The following KCNQ1 variants were observed in gnomAD, a reference collection of about 807,000 sequenced individuals.
KCNQ1 encodes potassium voltage-gated channel subfamily Q member 1, also known as potassium voltage-gated channel subfamily KQT member 1.
Under a neutral mutation model 72.4 loss-of-function variants are expected in KCNQ1, and 49 were observed. That is an observed-to-expected ratio of 0.68 (90% CI 0.54 to 0.86). The LOEUF (loss-of-function observed/expected upper bound fraction) is 0.86, where lower values mean the gene tolerates loss of function less well. Among genes scored for constraint, KCNQ1 ranks in the 40% least tolerant of loss-of-function variants. The pLI is 0.00. For synonymous variants in KCNQ1, 450 were observed against 412.6 expected, an observed-to-expected ratio of 1.09 and a Z score of -1.10; for missense variants, 790 against 945.1, an observed-to-expected ratio of 0.84 and a Z score of 2.15.
intron 15 of KCNQ1, among the ~76,000 whole-genome samples, chr11:2,812,352 G>A (rs1847506349): frequency 2.0e-5 from 3 of 150,556 alleles, no homozygotes; most frequent in African/African-American, 7.4e-5. Flanking sequence ...CTTCCTCCCT[G>A]AGACCTGGGA....
rs1332273115 is a variant in KCNQ1 at position 2,830,020 on chromosome 11, G to A, written c.1795-17747G>A. On this transcript the variant is annotated intron_variant, in intron 15 of 15. Transcript: ENST00000155840. The surrounding 1 kb of genome is among the most constrained non-coding windows in gnomAD (Gnocchi z 7.7). ...AGAGGGAGGAGGAAGGAGGAGGAAG[G>A]AGGAGGAAGGAGGAGGGAGGAGGAA... Among the ~76,000 whole-genome samples, 1 of 104,400 alleles carries A rather than the reference G, an allele frequency of 9.6e-6. No individual in the cohort carries two copies. The highest frequency in any genetic ancestry group is 3.7e-4 in the South Asian group (1 of 2,716). The allele number at this position is 104,400 out of a possible 152,430, so 68.5% of individuals were successfully genotyped here. A position where few individuals can be genotyped will look rare whatever the true frequency, so the allele number is the denominator to read the frequency against.
rs183753922 is a variant in KCNQ1 at position 2,759,387 on chromosome 11, C to G, written c.1515-9457C>G. On this transcript the variant is annotated intron_variant, in intron 11 of 15. Coordinates refer to ENST00000155840, the MANE Select transcript of KCNQ1 (RefSeq NM_000218.3). This position sits in a 1 kb window ranked among gnomAD's most constrained non-coding sequence, Gnocchi z 4.4. ...TCTGCCAAGACCCCCACCCATCTGC[C>G]TCTCTTCATCTCACAAGCCTGCATG... Among the ~76,000 whole-genome samples, 323 of 152,290 alleles carry G rather than the reference C, an allele frequency of 2.1e-3. 3 individuals carry two copies. The highest frequency in any genetic ancestry group is 6.9e-3 in the African/African-American group (286 of 41,556).
intron 1 of KCNQ1, among the ~76,000 whole-genome samples, chr11:2,467,752 A>T (rs930178040): frequency 6.6e-6 from 1 of 152,136 alleles, no homozygotes; most frequent in Non-Finnish European, 1.5e-5. Flanking sequence ...GCGTCTTGCA[A>T]TGGGGGCTGT....
rs1847852890 is a variant in KCNQ1 at position 2,543,038 on chromosome 11, G to C, written c.477+15020G>C. 6.6e-6 allele frequency among the ~76,000 whole-genome samples: 1 copy of C among 152,204 alleles called. No homozygotes were observed. Among genetic ancestry groups the C allele is most frequent in the Admixed American group, 6.5e-5 (1 of 15,284 alleles). The stretch of plus-strand genomic sequence containing the variant: ...GTCTAAGAGGTGTGCGTGGCATCCT[G>C]CTGTGGTTTTAACTTTCATTTCCTA... On this transcript the variant is annotated intron_variant, in intron 2 of 15. Transcript: ENST00000155840. This position sits in a 1 kb window ranked among gnomAD's most constrained non-coding sequence, Gnocchi z 5.6.
intron 10 of KCNQ1, chr11:2,633,089 CTT>C (rs2133818748): frequency 2.5e-6 from 1 of 398,396 alleles, no homozygotes; most frequent in East Asian, 3.6e-5. Context: ...TATGTTTTGT[CTT>C]TTTGAAAACA....
At chr11:2,575,150 G>A (rs1389156891) in intron 6 of KCNQ1, among the ~76,000 whole-genome samples, 5 of 152,164 alleles carry the variant, frequency 3.3e-5, no homozygotes, top group South Asian at 2.1e-4. Flanking sequence ...TGTGGGCAGC[G>A]GACGCTACTC....
intron 15 of KCNQ1, chr11:2,839,984 C>T (rs368606338): frequency 6.6e-6 from 1 of 152,246 alleles, no homozygotes; most frequent in Admixed American, 6.5e-5. Flanking sequence ...CGTGCAGGAA[C>T]TTTGTGCCGT....
Position 2,651,337 on chromosome 11 carries a change from G to A in KCNQ1, c.1394-10624G>A, listed in dbSNP as rs541435891. ...GAACACTCCTCAGAGTTCTACAAGC[G>A]GCTGAGAGAGCTGGGGTATTTATCT... On this transcript the variant is annotated intron_variant, in intron 10 of 15. Transcript: ENST00000155840. The surrounding 1 kb of genome is among the most constrained non-coding windows in gnomAD (Gnocchi z 6.1). 3.3e-5 allele frequency: 13 copies of A among 398,722 alleles called. No individual in the cohort carries two copies. The South Asian group carries it at 1.1e-3, about 35-fold the overall frequency. The allele number at this position is 398,722 out of a possible 1,614,324, so 24.7% of individuals were successfully genotyped here.
In KCNQ1 at chr11:2,809,467, A is replaced by T. The variant is rs532083875; in HGVS notation, c.1794+31430A>T. 2.0e-5 allele frequency among the ~76,000 whole-genome samples: 3 copies of T among 152,034 alleles called. No individual in the cohort carries two copies. In the East Asian group the frequency reaches 5.8e-4, roughly 29 times the overall value. The stretch of plus-strand genomic sequence containing the variant: ...ACCGTGGCATTGGTCCAGGTTTGTG[A>T]TACTTGTGCACAGCTTGGGGGCTCT... On this transcript the variant is annotated intron_variant, in intron 15 of 15. Coordinates refer to ENST00000155840, the MANE Select transcript of KCNQ1 (RefSeq NM_000218.3). This position sits in a 1 kb window ranked among gnomAD's most constrained non-coding sequence, Gnocchi z 7.1.
rs1564875338 is a variant in KCNQ1 at position 2,733,824 on chromosome 11, T to TCA, written c.1515-35019_1515-35018insAC. Among the ~76,000 whole-genome samples, 64 of 22,570 alleles carry TCA rather than the reference T, an allele frequency of 2.8e-3. 1 individual carries two copies. The highest frequency in any genetic ancestry group is 0.013 in the African/African-American group (57 of 4,304). The allele number at this position is 22,570 out of a possible 152,430, so 14.8% of individuals were successfully genotyped here. Reference sequence around the variant, plus strand: ...CACACACACACACACACTCTCTCACTCTCTCTCTCTCTCTCTCTCTCTCTC... The same window carrying TCA: ...CACACACACACACACACTCTCTCACTCACTCTCTCTCTCTCTCTCTCTCTCTC... On this transcript the variant is annotated intron_variant, in intron 11 of 15. Coordinates refer to ENST00000155840, the MANE Select transcript of KCNQ1 (RefSeq NM_000218.3).
At position 2,760,880 on chromosome 11, in the gene KCNQ1, G is replaced by A. The variant is rs544700170; in HGVS notation, c.1515-7964G>A. On this transcript the variant is annotated intron_variant, in intron 11 of 15. Transcript: ENST00000155840. ...ACAGTCGGACAGGTTGTGGGGCTCC[G>A]ACCCCACAGCAGCGTCTAGGGGTGA... Among the ~76,000 whole-genome samples, 302 of 152,274 alleles carry A rather than the reference G, an allele frequency of 2.0e-3. 1 individual carries two copies. Among genetic ancestry groups the A allele is most frequent in the African/African-American group, 6.9e-3 (287 of 41,544 alleles).
chr11:2,637,309 G>A (rs1328512629), intron 10 of KCNQ1: 2 of 152,068 alleles, frequency 1.3e-5, no homozygotes, highest in African/African-American at 2.4e-5. Context: ...GCTTTCTCTT[G>A]TGGGCATTTA....
chr11:2,733,808 A>ACACACACACACACACACACT (rs1564875270), intron 11 of KCNQ1, among the ~76,000 whole-genome samples: 1 of 63,332 alleles, frequency 1.6e-5, no homozygotes, highest in African/African-American at 7.4e-5. Flanking sequence ...ACACACACAC[A>ACACACACACACACACACACT]CACACACTCT....
rs1278429795 is a variant in KCNQ1 at position 2,787,043 on chromosome 11, G to A, written c.1794+9006G>A. 6.6e-6 allele frequency among the ~76,000 whole-genome samples: 1 copy of A among 151,456 alleles called. No individual in the cohort carries two copies. Among genetic ancestry groups the A allele is most frequent in the African/African-American group, 2.4e-5 (1 of 41,162 alleles). ...GTGTGAAGTTGGGGTCCTCAGGGAG[G>A]AATCATGTTTACCCCTTCCATTGCC... On this transcript the variant is annotated intron_variant, in intron 15 of 15. Transcript: ENST00000155840. The surrounding 1 kb of genome is among the most constrained non-coding windows in gnomAD (Gnocchi z 6.3).
chr11:2,489,099 G>A (rs1207280340), intron 1 of KCNQ1, among the ~76,000 whole-genome samples: 1 of 152,190 alleles, frequency 6.6e-6, no homozygotes, highest in Non-Finnish European at 1.5e-5. Context: ...ATTCAGATAA[G>A]CAATCACAGT....
Position 2,642,832 on chromosome 11 carries a change from C to T in KCNQ1, c.1394-19129C>T, listed in dbSNP as rs1318358733. 2 of 397,826 alleles carry T rather than the reference C, an allele frequency of 5.0e-6. No homozygotes were observed. The highest frequency in any genetic ancestry group is 6.3e-4 in the Middle Eastern group (1 of 1,580). The allele number at this position is 397,826 out of a possible 1,614,324, so 24.6% of individuals were successfully genotyped here. A position where few individuals can be genotyped will look rare whatever the true frequency, so the allele number is the denominator to read the frequency against. ...AACTTTCCTCTTAGCATTGCTTTTGCAGTATCCCTTAAGTTTCAGAATGTT... is the reference window on the plus strand; with the variant it reads ...AACTTTCCTCTTAGCATTGCTTTTGTAGTATCCCTTAAGTTTCAGAATGTT... On this transcript the variant is annotated intron_variant, in intron 10 of 15. Transcript: ENST00000155840. This position sits in a 1 kb window ranked among gnomAD's most constrained non-coding sequence, Gnocchi z 4.3.
chr11:2,570,953 G>T (rs1000180059), intron 3 of KCNQ1, among the ~76,000 whole-genome samples, 199 bp downstream of exon 3: 1 of 152,188 alleles, frequency 6.6e-6, no homozygotes, highest in Non-Finnish European at 1.5e-5. Context: ...CATGGTGTTG[G>T]GGGTAGGGGG....
In KCNQ1 at chr11:2,710,241, G is replaced by C. The variant is rs1229034192; in HGVS notation, c.1514+48160G>C. Reference sequence around the variant, plus strand: ...GATTTGCATTTCCCCGATGACTAATGATGTTGAGCATCTTATTAGCCATTT... The same window carrying C: ...GATTTGCATTTCCCCGATGACTAATCATGTTGAGCATCTTATTAGCCATTT... On this transcript the variant is annotated intron_variant, in intron 11 of 15. Transcript: ENST00000155840. This position sits in a 1 kb window ranked among gnomAD's most constrained non-coding sequence, Gnocchi z 4.1. 6.6e-6 allele frequency among the ~76,000 whole-genome samples: 1 copy of C among 152,194 alleles called. No individual in the cohort carries two copies. The highest frequency in any genetic ancestry group is 1.5e-5 in the Non-Finnish European group (1 of 68,036).
At chr11:2,576,811 G>C (rs1201495445) in intron 6 of KCNQ1, among the ~76,000 whole-genome samples, 1 of 152,238 alleles carries the variant, frequency 6.6e-6, no homozygotes, top group African/African-American at 2.4e-5. Context: ...GTCAGGAAGA[G>C]CTGGGGAAGC....
Sources: allele counts gnomAD v4.1 joint callset (sites outside exome capture counted in the v4.1 genomes callset), GRCh38; gene constraint gnomAD v4.1.1; non-coding constraint Gnocchi (gnomAD v3.1); transcripts MANE v1.5; gene names NCBI Gene and HGNC (gene_info 2026-07-23, HGNC 2026-07-21).